Variants in SLC4A4 observed in about 807,000 individuals in gnomAD.
SLC4A4 encodes the protein electrogenic sodium bicarbonate cotransporter 1.
SLC4A4 carries 27 observed loss-of-function variants against 111.5 expected under a neutral mutation model. The observed-to-expected ratio is 0.24, with a 90% CI of 0.18 to 0.33. The LOEUF is 0.33. SLC4A4 is among the 10% of genes least tolerant of loss of function. SLC4A4 has a pLI of 1.00. For synonymous variants in SLC4A4, 443 were observed against 463.4 expected, an observed-to-expected ratio of 0.96 and a Z score of 0.57; for missense variants, 909 against 1,315.5, an observed-to-expected ratio of 0.69 and a Z score of 4.78.
At chr4:71,185,091 G>T (rs1745408700), upstream of SLC4A4, among the ~76,000 whole-genome samples, 1 of 152,146 alleles carries the variant, frequency 6.6e-6, no homozygotes, top group South Asian at 2.1e-4. Context: ...ATGCCTTCAG[G>T]AGTTACCTAT....
At chr4:71,158,014 G>C (rs1240354157) in intron 2 of SLC4A4, among the ~76,000 whole-genome samples, 2 of 151,822 alleles carry the variant, frequency 1.3e-5, no homozygotes, top group African/African-American at 4.8e-5. Flanking sequence ...GTTTATAAGA[G>C]GAAGAAACTA....
intron 3 of SLC4A4, among the ~76,000 whole-genome samples, chr4:71,314,764 T>C (rs1241390002): frequency 6.6e-6 from 1 of 151,718 alleles, no homozygotes; most frequent in African/African-American, 2.4e-5. Context: ...CTGGGGCCTT[T>C]CGGGGAGTGG....
chr4:71,370,954 T>A (rs992240330), intron 6 of SLC4A4, among the ~76,000 whole-genome samples: 1 of 152,192 alleles, frequency 6.6e-6, no homozygotes, highest in African/African-American at 2.4e-5. Flanking sequence ...CTTCTCATTG[T>A]CTCTTTATGT....
intron 2 of SLC4A4, among the ~76,000 whole-genome samples, chr4:71,241,260 C>A (rs1174514483): frequency 6.6e-6 from 1 of 152,076 alleles, no homozygotes; most frequent in African/African-American, 2.4e-5. Flanking sequence ...ATACTTATAT[C>A]ATTTATATAT....
chr4:71,449,084 G>A (rs1038024707), intron 9 of SLC4A4, among the ~76,000 whole-genome samples: 2 of 152,206 alleles, frequency 1.3e-5, no homozygotes, highest in African/African-American at 4.8e-5. Context: ...TTGGAAGTTT[G>A]GAGGTAGGTA....
chr4:71,544,253 T>C (rs1735311431), intron 18 of SLC4A4, among the ~76,000 whole-genome samples: 1 of 151,918 alleles, frequency 6.6e-6, no homozygotes, highest in Admixed American at 6.6e-5. Context: ...AAGGTGAGGG[T>C]TAATTTAAGC....
intron 13 of SLC4A4, 63 bp downstream of exon 13, chr4:71,466,640 G>T (rs2149098965): frequency 6.7e-7 from 1 of 1,496,684 alleles, no homozygotes; most frequent in Middle Eastern, 1.7e-4. Flanking sequence ...TTATAGGCTA[G>T]ATAGAGCATA....
rs1385313753 is a variant in SLC4A4 at position 71,369,609 on chromosome 4, C to A, written c.730+12422C>A. 2.6e-5 allele frequency among the ~76,000 whole-genome samples: 4 copies of A among 152,134 alleles called. No homozygotes were observed. The East Asian group carries it at 7.7e-4, about 29-fold the overall frequency. The stretch of plus-strand genomic sequence containing the variant: ...TAATGTTAAATACCTCAAATACCTA[C>A]TATATGCCAGAAAGACAGAATGGGC... On this transcript the variant is annotated intron_variant, in intron 6 of 25. Coordinates refer to ENST00000264485, the MANE Select transcript of SLC4A4 (RefSeq NM_001098484.3).
chr4:71,405,975 T>C (rs1003412895), intron 7 of SLC4A4, among the ~76,000 whole-genome samples: 1 of 152,086 alleles, frequency 6.6e-6, no homozygotes, highest in East Asian at 1.9e-4. Context: ...AAGATGTTGC[T>C]GTTCCCAGCT....
At chr4:71,074,879 CA>C (rs940436529) in intron 1 of SLC4A4, among the ~76,000 whole-genome samples, 3 of 152,174 alleles carry the variant, frequency 2.0e-5, no homozygotes, top group African/African-American at 7.2e-5. Context: ...TTCACGCTGG[CA>C]CATTTGCCTG....
At chr4:71,555,927 T>C (rs1736435056) in intron 21 of SLC4A4, among the ~76,000 whole-genome samples, 1 of 151,896 alleles carries the variant, frequency 6.6e-6, no homozygotes, top group African/African-American at 2.4e-5. Flanking sequence ...TTCAATTGGG[T>C]TTTAATTAAA....
At chr4:71,345,241 G>A (rs1475288012) in intron 4 of SLC4A4, among the ~76,000 whole-genome samples, 2 of 152,114 alleles carry the variant, frequency 1.3e-5, no homozygotes, top group Non-Finnish European at 2.9e-5. Context: ...GGTTCATAAA[G>A]CAAACTGGTA....
chr4:71,434,722 T>C (rs1427394232), intron 7 of SLC4A4: 2 of 152,066 alleles, frequency 1.3e-5, no homozygotes, highest in Admixed American at 1.3e-4. Flanking sequence ...TTGAGCAAAG[T>C]CTCAGGATAC....
intron 3 of SLC4A4, among the ~76,000 whole-genome samples, chr4:71,278,596 A>G (rs1322975003): frequency 6.6e-6 from 1 of 152,084 alleles, no homozygotes; most frequent in East Asian, 1.9e-4. Flanking sequence ...CTTCATATCA[A>G]CACCCACCTC....
At position 71,570,227 on chromosome 4, in the gene SLC4A4, TAACTC is replaced by T. The variant is rs965189118; in HGVS notation, c.*2478_*2482del. 2.1e-5 allele frequency: 1 copy of T among 48,614 alleles called. No homozygotes were observed. The highest frequency in any genetic ancestry group is 6.7e-5 in the Non-Finnish European group (1 of 15,020). 3.0% of individuals were successfully genotyped at this position (48,614 alleles called of 1,614,324 possible). A position where few individuals can be genotyped will look rare whatever the true frequency, so the allele number is the denominator to read the frequency against. On this transcript the variant is annotated 3_prime_UTR_variant, in exon 26 of 26. Transcript: ENST00000264485. ...CTTTCAAAGAACTCCTGAAGCAACT[TAACTC>T]ATCATTTCAGCCTCTGAGTAGAGGT... is the stretch of plus-strand genomic sequence containing the variant.
intron 6 of SLC4A4, among the ~76,000 whole-genome samples, chr4:71,383,670 A>G (rs1385677129): frequency 1.3e-5 from 2 of 152,176 alleles, no homozygotes; most frequent in Non-Finnish European, 2.9e-5. Flanking sequence ...ACTAACATCT[A>G]TTGAACAGCT....
intron 1 of SLC4A4, among the ~76,000 whole-genome samples, chr4:71,206,428 C>G (rs1034325231): frequency 6.6e-6 from 1 of 151,976 alleles, no homozygotes; most frequent in Non-Finnish European, 1.5e-5. Context: ...AGGCTCATGG[C>G]CCCCCAAAAT....
chr4:71,144,007 A>T (rs1356722190), intron 2 of SLC4A4, among the ~76,000 whole-genome samples: 1 of 152,188 alleles, frequency 6.6e-6, no homozygotes, highest in East Asian at 1.9e-4. Context: ...TGTTTTAGTC[A>T]TGAAGTCCTT....
intron 2 of SLC4A4, among the ~76,000 whole-genome samples, chr4:71,168,392 A>G (rs1327035302): frequency 6.6e-6 from 1 of 152,002 alleles, no homozygotes; most frequent in African/African-American, 2.4e-5. Flanking sequence ...CATGTTGGCC[A>G]GGCTGGTCTC....
Sources: allele counts gnomAD v4.1 joint callset (sites outside exome capture counted in the v4.1 genomes callset), GRCh38; gene constraint gnomAD v4.1.1; transcripts MANE v1.5; gene names NCBI Gene and HGNC (gene_info 2026-07-23, HGNC 2026-07-21).